The following ADGRB3 variants were observed in gnomAD, a reference collection of about 807,000 sequenced individuals.
ADGRB3 encodes adhesion G protein-coupled receptor B3.
ADGRB3 carries 37 observed loss-of-function variants against 193.4 expected under a neutral mutation model. The observed-to-expected ratio is 0.19, with a 90% CI of 0.15 to 0.25. The LOEUF (loss-of-function observed/expected upper bound fraction) is 0.25, where lower values mean the gene tolerates loss of function less well. Ranked by LOEUF, ADGRB3 falls within the 10% of genes least tolerant of loss-of-function variation. The pLI is 1.00. For missense variants in ADGRB3, 1,637 were observed against 1,852.9 expected (o/e 0.88, Z 2.14); for synonymous variants, 690 against 644.2 (o/e 1.07, Z -1.08).
intron 28 of ADGRB3, among the ~76,000 whole-genome samples, chr6:69,358,802 T>C (rs1001123279): frequency 2.0e-5 from 3 of 151,898 alleles, no homozygotes; most frequent in African/African-American, 7.2e-5. Flanking sequence ...GTATGATTTG[T>C]TTATGCTGTA....
At chr6:69,314,207 T>C (rs1182044880) in intron 20 of ADGRB3, among the ~76,000 whole-genome samples, 2 of 151,742 alleles carry the variant, frequency 1.3e-5, no homozygotes, top group African/African-American at 2.4e-5. Flanking sequence ...CTTCAAATTA[T>C]GAACATGTTT....
At chr6:68,667,339 G>A (rs999084574) in intron 3 of ADGRB3, among the ~76,000 whole-genome samples, 6 of 151,802 alleles carry the variant, frequency 4.0e-5, no homozygotes, top group African/African-American at 1.4e-4. Flanking sequence ...AAGCTACCTG[G>A]TGGTTTCACA....
At chr6:69,329,917 T>C (rs1212124292) in intron 22 of ADGRB3, among the ~76,000 whole-genome samples, 1 of 152,226 alleles carries the variant, frequency 6.6e-6, no homozygotes, top group African/African-American at 2.4e-5. Context: ...CAAACACAGC[T>C]GCACTTATTT....
intron 3 of ADGRB3, among the ~76,000 whole-genome samples, chr6:68,646,259 G>C (rs988677565): frequency 1.3e-5 from 2 of 151,638 alleles, no homozygotes; most frequent in Non-Finnish European, 2.9e-5. Context: ...GGTGGATCAC[G>C]TGAGGTCAGG....
chr6:69,280,908 C>T (rs1276528632), intron 20 of ADGRB3, among the ~76,000 whole-genome samples: 12 of 152,078 alleles, frequency 7.9e-5, no homozygotes, highest in African/African-American at 2.2e-4. Context: ...ATACCTAATT[C>T]GCTGTAACAG....
chr6:68,961,832 A>C (rs1402035501), intron 8 of ADGRB3, among the ~76,000 whole-genome samples: 2 of 152,152 alleles, frequency 1.3e-5, no homozygotes, highest in Admixed American at 1.3e-4. Flanking sequence ...ATTTCATTGG[A>C]ATTTATATTA....
At chr6:69,310,754 G>A (rs1354955801) in intron 20 of ADGRB3, among the ~76,000 whole-genome samples, 1 of 151,610 alleles carries the variant, frequency 6.6e-6, no homozygotes, top group East Asian at 2.0e-4. Context: ...TGGATACTCA[G>A]TATTTTGACC....
intron 17 of ADGRB3, among the ~76,000 whole-genome samples, chr6:69,109,570 T>G (rs1773309766): frequency 6.6e-6 from 1 of 152,200 alleles, no homozygotes; most frequent in Non-Finnish European, 1.5e-5. Context: ...TAACCCTATT[T>G]TACAAATGAG....
chr6:69,111,065 G>T (rs1459870166), intron 17 of ADGRB3, among the ~76,000 whole-genome samples: 2 of 152,148 alleles, frequency 1.3e-5, no homozygotes, highest in Non-Finnish European at 2.9e-5. Flanking sequence ...TCAACAAATA[G>T]GTTATTCCTC....
intron 3 of ADGRB3, among the ~76,000 whole-genome samples, chr6:68,666,067 G>A (rs935887548): frequency 1.3e-5 from 2 of 151,816 alleles, no homozygotes; most frequent in Non-Finnish European, 2.9e-5. Flanking sequence ...GACCTTAGGC[G>A]AGACACTTCC....
intron 16 of ADGRB3, among the ~76,000 whole-genome samples, chr6:69,070,609 C>A (rs553701059): frequency 1.4e-4 from 22 of 152,226 alleles, no homozygotes; most frequent in Non-Finnish European, 3.2e-4. Context: ...CAGTGATTCT[C>A]TAAATTTGAT....
chr6:69,171,177 C>T (rs2150347904), intron 17 of ADGRB3, among the ~76,000 whole-genome samples: 1 of 152,122 alleles, frequency 6.6e-6, no homozygotes, highest in Non-Finnish European at 1.5e-5. Context: ...GTATATTTTA[C>T]ACTTACTGCA....
At position 69,270,395 on chromosome 6, in the gene ADGRB3, G is replaced by A. The variant is rs1023405852; in HGVS notation, c.2814+31169G>A. ...CAGTGTCTCTCATGTGAATTTTAGAGAGCTTAGTTTCAAGAGGAAACTTGT... is the reference window on the plus strand; with the variant it reads ...CAGTGTCTCTCATGTGAATTTTAGAAAGCTTAGTTTCAAGAGGAAACTTGT... On this transcript the variant is annotated intron_variant, in intron 20 of 31. Transcript: ENST00000370598. 9.9e-5 allele frequency among the ~76,000 whole-genome samples: 15 copies of A among 152,056 alleles called. 1 individual carries two copies. The highest frequency in any genetic ancestry group is 8.5e-4 in the Admixed American group (13 of 15,250).
Position 69,287,741 on chromosome 6 carries a change from C to T in ADGRB3, c.2815-37131C>T, listed in dbSNP as rs1767583227. Among the ~76,000 whole-genome samples, 3 of 152,212 alleles carry T rather than the reference C, an allele frequency of 2.0e-5. 1 individual carries two copies. Among genetic ancestry groups the T allele is most frequent in the Admixed American group, 6.5e-5 (1 of 15,278 alleles). On this transcript the variant is annotated intron_variant, in intron 20 of 31. Transcript: ENST00000370598. Reference sequence around the variant, plus strand: ...ACATCTTTTGAATATGAATTTGCCTCAATTCCTCCTCTAGTAATGTCATAT... The same window carrying T: ...ACATCTTTTGAATATGAATTTGCCTTAATTCCTCCTCTAGTAATGTCATAT...
chr6:69,043,334 G>GAAAGGAAGAAAGAAAGAA lies in ADGRB3; in HGVS notation c.2108-4847_2108-4846insGAAGAAAGAAAGAAAAAG, dbSNP rs1554252119. Among the ~76,000 whole-genome samples the GAAAGGAAGAAAGAAAGAA allele has an allele frequency of 1.9e-3, 209 of 110,100 alleles. 2 individuals carry two copies. The highest frequency in any genetic ancestry group is 5.2e-3 in the Middle Eastern group (1 of 194). 72.2% of individuals were successfully genotyped at this position (110,100 alleles called of 152,430 possible). On this transcript the variant is annotated intron_variant, in intron 13 of 31. Transcript: ENST00000370598. ...AAAGAAAGAAAGAAAGAAAGAAAGAGAAAGAAAAGAAGATTAAGTAAAAAG... is the reference window on the plus strand; with the variant it reads ...AAAGAAAGAAAGAAAGAAAGAAAGAGAAAGGAAGAAAGAAAGAAAAAGAAAAGAAGATTAAGTAAAAAG...
At chr6:69,322,346 T>G (rs1169878724) in intron 20 of ADGRB3, among the ~76,000 whole-genome samples, 4 of 151,954 alleles carry the variant, frequency 2.6e-5, no homozygotes, top group Non-Finnish European at 4.4e-5. Context: ...TAGAAAAATT[T>G]ATATTCTGTT....
At chr6:68,966,538 T>C (rs1768385918) in intron 8 of ADGRB3, among the ~76,000 whole-genome samples, 2 of 152,088 alleles carry the variant, frequency 1.3e-5, no homozygotes, top group Non-Finnish European at 2.9e-5. Flanking sequence ...CACATGTGGT[T>C]CCCAGGACAC....
At chr6:68,667,835 C>T (rs1366203294) in intron 3 of ADGRB3, among the ~76,000 whole-genome samples, 1 of 151,766 alleles carries the variant, frequency 6.6e-6, no homozygotes, top group Admixed American at 6.6e-5. Context: ...AAAATGTCTG[C>T]GACTAGGGCT....
At chr6:68,943,084 A>C (rs1767685761) in intron 5 of ADGRB3, among the ~76,000 whole-genome samples, 1 of 152,192 alleles carries the variant, frequency 6.6e-6, no homozygotes, top group Non-Finnish European at 1.5e-5. Flanking sequence ...TTCTTTAGAA[A>C]TTTATATAAA....
Sources: gnomAD v4.1 joint callset for allele counts (sites outside exome capture counted in the v4.1 genomes callset) on GRCh38, gnomAD v4.1.1 for gene constraint, MANE v1.5 for transcripts, NCBI Gene and HGNC (gene_info 2026-07-23, HGNC 2026-07-21) for gene names.